Variants in CNTN3 observed in about 807,000 individuals in gnomAD.
CNTN3 encodes the protein contactin-3.
A neutral mutation model predicts 119.1 loss-of-function variants in CNTN3; 60 were observed. The observed-to-expected ratio is 0.50, with a 90% CI of 0.41 to 0.62. The LOEUF is 0.62. CNTN3 is among the 20% of genes least tolerant of loss of function. CNTN3 has a pLI of 0.00. For missense variants in CNTN3, 1,101 were observed against 1,242.4 expected (o/e 0.89, Z 1.71); for synonymous variants, 450 against 438.7 (o/e 1.03, Z -0.32).
intron 17 of CNTN3, among the ~76,000 whole-genome samples, chr3:74,299,588 GA>G (rs1247381430): frequency 3.3e-5 from 5 of 152,150 alleles, no homozygotes; most frequent in Non-Finnish European, 7.3e-5. Context: ...TTGTTGCAAG[GA>G]TGACATGAGG....
At chr3:74,273,622 G>A (rs1371589376) in intron 20 of CNTN3, among the ~76,000 whole-genome samples, 1 of 152,176 alleles carries the variant, frequency 6.6e-6, no homozygotes, top group African/African-American at 2.4e-5. Flanking sequence ...TAGGAGCTGA[G>A]TGAAATACAG....
chr3:74,300,468 T>A (rs910934430), intron 16 of CNTN3, among the ~76,000 whole-genome samples: 1 of 152,150 alleles, frequency 6.6e-6, no homozygotes, highest in African/African-American at 2.4e-5. Flanking sequence ...AGAAGTCCCA[T>A]GAAGGTGGGT....
intron 4 of CNTN3, among the ~76,000 whole-genome samples, chr3:74,481,180 A>T (rs1414462972): frequency 6.6e-6 from 1 of 151,920 alleles, no homozygotes; most frequent in African/African-American, 2.4e-5. Context: ...GCCATCATCA[A>T]TGTGAGAGAA....
chr3:74,540,491 G>A (rs1312679395), intron 1 of CNTN3, among the ~76,000 whole-genome samples: 1 of 152,072 alleles, frequency 6.6e-6, no homozygotes, highest in Non-Finnish European at 1.5e-5. Flanking sequence ...GTTAACAACA[G>A]TCAGTGAAGT....
rs1553655555 is a variant in CNTN3 at position 74,401,516 on chromosome 3, G to GTGCA, written c.454+23328_454+23329insTGCA. On this transcript the variant is annotated intron_variant, in intron 5 of 22. Transcript: ENST00000263665. ...GTGCACACACCACACACGCGCGCAC[G>GTGCA]CACACACACACACACAGAGTTGTCT... 4.2e-3 allele frequency among the ~76,000 whole-genome samples: 632 copies of GTGCA among 150,598 alleles called. 7 individuals carry two copies. Among genetic ancestry groups the GTGCA allele is most frequent in the East Asian group, 0.029 (151 of 5,136 alleles).
chr3:74,330,385 G>A (rs1360531272), intron 13 of CNTN3, among the ~76,000 whole-genome samples: 1 of 151,738 alleles, frequency 6.6e-6, no homozygotes, highest in East Asian at 1.9e-4. Flanking sequence ...CTATTGACTA[G>A]TGACACTGTA....
At chr3:74,573,605 CAAAT>C (rs1464919414) in intron 1 of CNTN3, among the ~76,000 whole-genome samples, 1 of 151,786 alleles carries the variant, frequency 6.6e-6, no homozygotes, top group African/African-American at 2.4e-5. Context: ...AATAAAAAGA[CAAAT>C]AACCCAAAAT....
At chr3:74,572,821 A>T (rs9814962) in intron 1 of CNTN3, among the ~76,000 whole-genome samples, 1 of 152,122 alleles carries the variant, frequency 6.6e-6, no homozygotes, top group Admixed American at 6.5e-5. Context: ...ACTTATGAGA[A>T]GCCAGGGGAA....
At chr3:74,481,539 C>T (rs1202407182) in intron 4 of CNTN3, among the ~76,000 whole-genome samples, 1 of 151,824 alleles carries the variant, frequency 6.6e-6, no homozygotes. Flanking sequence ...GAAATTATAA[C>T]ATTTACTGAA....
intron 13 of CNTN3, among the ~76,000 whole-genome samples, chr3:74,312,742 C>G (rs1702723902): frequency 6.6e-6 from 1 of 152,046 alleles, no homozygotes; most frequent in African/African-American, 2.4e-5. Flanking sequence ...GTGGCAGTCC[C>G]TTTTACCCAG....
chr3:74,342,779 A>AAAGACCCCT (rs1249638943), intron 11 of CNTN3, among the ~76,000 whole-genome samples: 2 of 152,228 alleles, frequency 1.3e-5, no homozygotes, highest in Non-Finnish European at 1.5e-5. Flanking sequence ...CAATAGAAGA[A>AAAGACCCCT]AAGACCCCTA....
At chr3:74,385,627 T>C (rs1217708126) in intron 5 of CNTN3, among the ~76,000 whole-genome samples, 1 of 152,214 alleles carries the variant, frequency 6.6e-6, no homozygotes, top group Non-Finnish European at 1.5e-5. Flanking sequence ...GCTTTTTCTC[T>C]TACCTGAAAA....
At chr3:74,525,584 A>G (rs967673303) in intron 1 of CNTN3, among the ~76,000 whole-genome samples, 2 of 151,966 alleles carry the variant, frequency 1.3e-5, no homozygotes, top group African/African-American at 4.8e-5. Flanking sequence ...AGAATATTCT[A>G]CTATTCACAG....
intron 5 of CNTN3, among the ~76,000 whole-genome samples, chr3:74,394,934 C>A (rs921788313): frequency 1.3e-5 from 2 of 151,872 alleles, no homozygotes; most frequent in African/African-American, 4.8e-5. Flanking sequence ...TTTTATTGTA[C>A]ATTAATATAT....
intron 4 of CNTN3, among the ~76,000 whole-genome samples, chr3:74,476,845 A>G (rs1465828026): frequency 3.9e-5 from 6 of 152,184 alleles, no homozygotes; most frequent in African/African-American, 1.4e-4. Flanking sequence ...GGAAGAATTA[A>G]TATAGTATAG....
At chr3:74,525,164 T>A (rs1037995695) in intron 1 of CNTN3, among the ~76,000 whole-genome samples, 1 of 151,790 alleles carries the variant, frequency 6.6e-6, no homozygotes, top group African/African-American at 2.4e-5. Context: ...TTTTGCAACA[T>A]ACCAATGTTA....
intron 4 of CNTN3, among the ~76,000 whole-genome samples, chr3:74,450,966 A>G (rs1156533016): frequency 1.3e-5 from 2 of 152,076 alleles, no homozygotes; most frequent in African/African-American, 4.8e-5. Flanking sequence ...TAGTGCTGCA[A>G]TAAACATACA....
intron 5 of CNTN3, among the ~76,000 whole-genome samples, chr3:74,404,182 C>T (rs1450356964): frequency 6.6e-6 from 1 of 152,140 alleles, no homozygotes; most frequent in Non-Finnish European, 1.5e-5. Flanking sequence ...ATTACCTCAA[C>T]TGCTGGGCTA....
chr3:74,334,345 A>G (rs956445752), intron 13 of CNTN3, among the ~76,000 whole-genome samples: 1 of 152,162 alleles, frequency 6.6e-6, no homozygotes, highest in Non-Finnish European at 1.5e-5. Flanking sequence ...GGCCTGACAC[A>G]TTAATTGGGA....
Sources: gnomAD v4.1 joint callset for allele counts (sites outside exome capture counted in the v4.1 genomes callset) on GRCh38, gnomAD v4.1.1 for gene constraint, MANE v1.5 for transcripts, NCBI Gene and HGNC (gene_info 2026-07-23, HGNC 2026-07-21) for gene names.